The following SLC24A2 variants were observed in gnomAD, a reference collection of about 807,000 sequenced individuals.
SLC24A2 encodes the protein solute carrier family 24 member 2.
Under a neutral mutation model 62.0 loss-of-function variants are expected in SLC24A2, and 36 were observed. The ratio of observed to expected loss-of-function variants is 0.58; its 90% CI spans 0.44 to 0.77. SLC24A2 has a LOEUF of 0.77. SLC24A2 is among the 30% of genes least tolerant of loss of function. SLC24A2 has a pLI of 0.00. For synonymous variants in SLC24A2, 358 were observed against 294.0 expected, an observed-to-expected ratio of 1.22 and a Z score of -2.23; for missense variants, 846 against 817.9, an observed-to-expected ratio of 1.03 and a Z score of -0.42.
At chr9:19,531,423 G>C (rs1032866831) in intron 8 of SLC24A2, among the ~76,000 whole-genome samples, 22 of 152,232 alleles carry the variant, frequency 1.4e-4, no homozygotes, top group African/African-American at 4.6e-4. Context: ...GCCATCTGCT[G>C]GGATGGACCT....
At chr9:19,531,522 G>A (rs1463011582) in intron 8 of SLC24A2, among the ~76,000 whole-genome samples, 1 of 152,214 alleles carries the variant, frequency 6.6e-6, no homozygotes, top group African/African-American at 2.4e-5. Flanking sequence ...GACAGTGGAT[G>A]CTCTGATTAG....
At chr9:19,543,679 C>T (rs570988537) in intron 8 of SLC24A2, among the ~76,000 whole-genome samples, 9 of 152,228 alleles carry the variant, frequency 5.9e-5, no homozygotes, top group East Asian at 3.9e-4. Context: ...GCCTTCATTT[C>T]GTTTTTTACC....
At chr9:20,156,246 C>T in the SLC24A2 span, among the ~76,000 whole-genome samples, 1 of 151,766 alleles carries the variant, frequency 6.6e-6, no homozygotes, top group Non-Finnish European at 1.5e-5. Context: ...CATATAGACT[C>T]TAAGTATTCC....
At chr9:19,702,195 A>T (rs767165256) in intron 2 of SLC24A2, among the ~76,000 whole-genome samples, 1 of 152,264 alleles carries the variant, frequency 6.6e-6, no homozygotes, top group Non-Finnish European at 1.5e-5. Flanking sequence ...TTTGAAGGAC[A>T]GTAAACCTTT....
chr9:19,645,014 T>G (rs1159221204), intron 2 of SLC24A2, among the ~76,000 whole-genome samples: 1 of 152,176 alleles, frequency 6.6e-6, no homozygotes, highest in Non-Finnish European at 1.5e-5. Context: ...AAATATACAG[T>G]GCTTAAAGGT....
chr9:19,639,571 T>A (rs2118066259), intron 2 of SLC24A2, among the ~76,000 whole-genome samples: 1 of 152,364 alleles, frequency 6.6e-6, no homozygotes, highest in African/African-American at 2.4e-5. Flanking sequence ...GCAGATATTT[T>A]GGGGCTGTGT....
intron 2 of SLC24A2, among the ~76,000 whole-genome samples, chr9:19,705,934 A>G (rs534177295): frequency 6.3e-4 from 96 of 152,070 alleles, no homozygotes; most frequent in Non-Finnish European, 1.1e-3. Flanking sequence ...AGAGTTCTGT[A>G]GATGTCTATT....
intron 2 of SLC24A2, among the ~76,000 whole-genome samples, chr9:19,665,570 C>T (rs1819228673): frequency 6.6e-6 from 1 of 152,112 alleles, no homozygotes; most frequent in Admixed American, 6.6e-5. Flanking sequence ...TGTAATGCAA[C>T]ACACTAGCTA....
intron 2 of SLC24A2, among the ~76,000 whole-genome samples, chr9:19,713,551 C>T (rs942138652): frequency 6.6e-6 from 1 of 152,124 alleles, no homozygotes; most frequent in Non-Finnish European, 1.5e-5. Context: ...AATCTATGTT[C>T]TTACCTGATT....
chr9:19,918,431 A>G, the SLC24A2 span, among the ~76,000 whole-genome samples: 6 of 147,704 alleles, frequency 4.1e-5, no homozygotes, highest in Admixed American at 2.0e-4. Flanking sequence ...TTTGTCTTCT[A>G]TGCTTTGAGA....
chr9:20,271,971 G>C, the SLC24A2 span, among the ~76,000 whole-genome samples: 1 of 137,810 alleles, frequency 7.3e-6, no homozygotes, highest in Admixed American at 6.9e-5. Flanking sequence ...CCATCTGGAG[G>C]GGGAAAGGTT....
the SLC24A2 span, among the ~76,000 whole-genome samples, chr9:19,938,869 G>C: frequency 1.3e-5 from 2 of 152,132 alleles, no homozygotes; most frequent in East Asian, 1.9e-4. Flanking sequence ...ATCCGCTACA[G>C]CTTGTCTTTT....
chr9:19,999,848 C>T, the SLC24A2 span, among the ~76,000 whole-genome samples: 7 of 152,276 alleles, frequency 4.6e-5, no homozygotes, highest in African/African-American at 1.4e-4. Context: ...GAATCAAAGT[C>T]TAGAAGGGGC....
intron 2 of SLC24A2, among the ~76,000 whole-genome samples, chr9:19,782,262 T>G (rs1458462054): frequency 1.3e-5 from 2 of 152,164 alleles, no homozygotes; most frequent in Non-Finnish European, 2.9e-5. Flanking sequence ...GATCTGAAAC[T>G]TAACTGCTTC....
At chr9:19,715,383 A>C (rs1388498219) in intron 2 of SLC24A2, among the ~76,000 whole-genome samples, 1 of 152,140 alleles carries the variant, frequency 6.6e-6, no homozygotes, top group Non-Finnish European at 1.5e-5. Context: ...CTAGCTGGAG[A>C]GGGACCGAGT....
chr9:19,792,657 G>A (rs974858108), upstream of SLC24A2, among the ~76,000 whole-genome samples: 1 of 151,212 alleles, frequency 6.6e-6, no homozygotes, highest in Non-Finnish European at 1.5e-5. Context: ...GCAGTGAGCC[G>A]AGACGGCGCC....
chr9:19,855,203 T>G, the SLC24A2 span, among the ~76,000 whole-genome samples: 1 of 152,220 alleles, frequency 6.6e-6, no homozygotes, highest in Non-Finnish European at 1.5e-5. Flanking sequence ...AAGATGGGTC[T>G]CTTGAATACA....
chr9:19,794,621 A>G, the SLC24A2 span, among the ~76,000 whole-genome samples: 5 of 149,522 alleles, frequency 3.3e-5, no homozygotes, highest in East Asian at 2.0e-4. Flanking sequence ...CCACAGTGTG[A>G]GTTCTCCAAG....
At chr9:19,808,653 T>C in the SLC24A2 span, among the ~76,000 whole-genome samples, 5 of 152,212 alleles carry the variant, frequency 3.3e-5, no homozygotes, top group African/African-American at 9.6e-5. This position sits in a 1 kb window ranked among gnomAD's most constrained non-coding sequence, Gnocchi z 4.1. Flanking sequence ...CAGTTCCTCA[T>C]TGGTTGAGCA....
Sources: gnomAD v4.1 joint callset for allele counts (sites outside exome capture counted in the v4.1 genomes callset) on GRCh38, gnomAD v4.1.1 for gene constraint, Gnocchi (gnomAD v3.1) non-coding constraint, MANE v1.5 for transcripts, NCBI Gene and HGNC (gene_info 2026-07-23, HGNC 2026-07-21) for gene names.